SPRED1: variants seen among roughly 807,000 people sequenced by gnomAD.
SPRED1 encodes sprouty related EVH1 domain containing 1, also known as sprouty-related, EVH1 domain-containing protein 1.
Under a neutral mutation model 52.3 loss-of-function variants are expected in SPRED1, and 18 were observed. The observed-to-expected ratio is 0.34, with a 90% CI of 0.24 to 0.51. The LOEUF is 0.51. Among genes scored for constraint, SPRED1 ranks in the 20% least tolerant of loss-of-function variants. The probability of loss-of-function intolerance (pLI) is 0.97; values close to 1 mark genes in which losing one functional copy is unlikely to be tolerated. For synonymous variants in SPRED1, 155 were observed against 179.7 expected, an observed-to-expected ratio of 0.86 and a Z score of 1.10; for missense variants, 485 against 551.0, an observed-to-expected ratio of 0.88 and a Z score of 1.20.
chr15:38,308,842 G>T (rs1297418129), intron 2 of SPRED1, among the ~76,000 whole-genome samples: 2 of 152,288 alleles, frequency 1.3e-5, no homozygotes, highest in East Asian at 1.9e-4. Flanking sequence ...AAATGACCAG[G>T]TATGCAGTGG....
At chr15:38,306,924 C>CT (rs1305042763) in intron 2 of SPRED1, among the ~76,000 whole-genome samples, 2 of 152,130 alleles carry the variant, frequency 1.3e-5, no homozygotes, top group African/African-American at 4.8e-5. Context: ...GTAGTTACTG[C>CT]TTTTCACTGG....
At chr15:38,285,719 A>G (rs545981891) in intron 1 of SPRED1, among the ~76,000 whole-genome samples, 22 of 152,298 alleles carry the variant, frequency 1.4e-4, no homozygotes, top group Non-Finnish European at 3.2e-4. Context: ...CAAGACTCAC[A>G]TGACCTGATT....
At chr15:38,276,039 T>C (rs1272727179) in intron 1 of SPRED1, among the ~76,000 whole-genome samples, 1 of 152,182 alleles carries the variant, frequency 6.6e-6, no homozygotes, top group Non-Finnish European at 1.5e-5. Context: ...CTAATTAAAA[T>C]AGATTCAAGA....
intron 1 of SPRED1, among the ~76,000 whole-genome samples, chr15:38,282,635 G>C (rs1894715311): frequency 6.6e-6 from 1 of 152,180 alleles, no homozygotes; most frequent in Admixed American, 6.5e-5. Context: ...TGGTAGGATG[G>C]TTTGAGTTTG....
At chr15:38,295,564 G>A (rs1190325204) in intron 1 of SPRED1, among the ~76,000 whole-genome samples, 3 of 152,164 alleles carry the variant, frequency 2.0e-5, no homozygotes, top group Non-Finnish European at 2.9e-5. Context: ...AAATGAAACC[G>A]ATGTAAAATT....
At chr15:38,345,259 A>G (rs1047242037) in intron 5 of SPRED1, among the ~76,000 whole-genome samples, 1 of 152,220 alleles carries the variant, frequency 6.6e-6, no homozygotes, top group African/African-American at 2.4e-5. Flanking sequence ...TTTTATTTCA[A>G]CCATCATGAG....
rs556513814 is a variant in SPRED1 at position 38,273,219 on chromosome 15, G to C, written c.32+20002G>C. Among the ~76,000 whole-genome samples, 71 of 152,178 alleles carry C rather than the reference G, an allele frequency of 4.7e-4. 1 individual carries two copies. In the South Asian group the frequency reaches 0.014, roughly 30 times the overall value. On this transcript the variant is annotated intron_variant, in intron 1 of 6. Transcript: ENST00000299084. ...TTTTTGTATATGGCTGGGATAGCTGGCTAGCCATATGCAGAAGAATGAAAC... is the reference window on the plus strand; with the variant it reads ...TTTTTGTATATGGCTGGGATAGCTGCCTAGCCATATGCAGAAGAATGAAAC...
At chr15:38,296,122 C>A (rs1347491472) in intron 1 of SPRED1, among the ~76,000 whole-genome samples, 6 of 152,076 alleles carry the variant, frequency 3.9e-5, no homozygotes, top group Admixed American at 3.3e-4. Flanking sequence ...AACATAAAAT[C>A]TCAGATCTCC....
At chr15:38,315,287 C>A (rs549103696) in intron 2 of SPRED1, among the ~76,000 whole-genome samples, 1 of 151,966 alleles carries the variant, frequency 6.6e-6, no homozygotes, top group African/African-American at 2.4e-5. Flanking sequence ...CATACTACTT[C>A]TTAGATAACA....
intron 1 of SPRED1, among the ~76,000 whole-genome samples, chr15:38,274,207 T>A (rs761594007): frequency 3.3e-5 from 5 of 152,168 alleles, no homozygotes; most frequent in Non-Finnish European, 5.9e-5. Flanking sequence ...AGAGTAGAAG[T>A]TTAAGCACCC....
rs1332983459 is a variant in SPRED1, at chr15:38,354,776, GGAT to G, written c.*3114_*3116del. 3 of 152,092 alleles carry G rather than the reference GGAT, an allele frequency of 2.0e-5. No homozygotes were observed. The highest frequency in any genetic ancestry group is 7.2e-5 in the African/African-American group (3 of 41,390). 9.4% of individuals were successfully genotyped at this position (152,092 alleles called of 1,614,324 possible). A position where few individuals can be genotyped will look rare whatever the true frequency, so the allele number is the denominator to read the frequency against. ...TTTGGGACTGGCAATCAAACTTAAT[GGAT>G]GTACTGAGGCATTTATAGAACCAGT... is the stretch of plus-strand genomic sequence containing the variant. On this transcript the variant is annotated 3_prime_UTR_variant, in exon 7 of 7. Coordinates refer to ENST00000299084, the MANE Select transcript of SPRED1 (RefSeq NM_152594.3).
intron 5 of SPRED1, 144 bp from the exon 6 acceptor site, chr15:38,349,278 G>A: frequency 1.6e-6 from 1 of 618,906 alleles, no homozygotes; most frequent in Non-Finnish European, 2.9e-6. Context: ...TTTAGGTGGG[G>A]GGAAATGATT....
chr15:38,332,305 A>G (rs1595752022), intron 4 of SPRED1, among the ~76,000 whole-genome samples: 1 of 152,142 alleles, frequency 6.6e-6, no homozygotes, highest in Non-Finnish European at 1.5e-5. Flanking sequence ...CAGGTGTGAT[A>G]GCTCATGCCT....
intron 1 of SPRED1, among the ~76,000 whole-genome samples, chr15:38,280,527 T>TG (rs1326684901): frequency 2.2e-5 from 1 of 45,668 alleles, no homozygotes. Context: ...AAAAATCCAT[T>TG]GTTTTTTGTG....
At chr15:38,294,110 A>G (rs1894982700) in intron 1 of SPRED1, among the ~76,000 whole-genome samples, 4 of 152,196 alleles carry the variant, frequency 2.6e-5, no homozygotes, top group Admixed American at 2.6e-4. Context: ...GAAAGCACGT[A>G]CTTACACTGT....
intron 1 of SPRED1, among the ~76,000 whole-genome samples, chr15:38,257,933 T>C (rs1219373864): frequency 6.6e-6 from 1 of 152,240 alleles, no homozygotes; most frequent in Non-Finnish European, 1.5e-5. Flanking sequence ...TAACTTGAAC[T>C]TGACTAGTCT....
intron 1 of SPRED1, among the ~76,000 whole-genome samples, chr15:38,278,973 G>A (rs1419293532): frequency 3.3e-5 from 5 of 151,860 alleles, no homozygotes; most frequent in South Asian, 4.1e-4. Context: ...GATTACAGGC[G>A]TACACCACCA....
At chr15:38,295,998 AACTGT>A (rs1895029778) in intron 1 of SPRED1, among the ~76,000 whole-genome samples, 1 of 152,264 alleles carries the variant, frequency 6.6e-6, no homozygotes, top group African/African-American at 2.4e-5. Flanking sequence ...TCAGTATTAA[AACTGT>A]GCAGTGTATG....
intron 1 of SPRED1, among the ~76,000 whole-genome samples, chr15:38,293,561 A>G (rs888703788): frequency 1.3e-5 from 2 of 152,206 alleles, no homozygotes; most frequent in African/African-American, 4.8e-5. Context: ...CTTCTCTGTA[A>G]GATGAAGAAA....
Sources: gnomAD v4.1 joint callset for allele counts (sites outside exome capture counted in the v4.1 genomes callset) on GRCh38, gnomAD v4.1.1 for gene constraint, MANE v1.5 for transcripts, NCBI Gene and HGNC (gene_info 2026-07-23, HGNC 2026-07-21) for gene names.